Variants in AP2A2 observed in about 807,000 individuals in gnomAD.
AP2A2 encodes the protein adaptor related protein complex 2 subunit alpha 2, also known as AP-2 complex subunit alpha-2.
Under a neutral mutation model 104.2 loss-of-function variants are expected in AP2A2, and 32 were observed. That is an observed-to-expected ratio of 0.31 (90% CI 0.23 to 0.41). The LOEUF (loss-of-function observed/expected upper bound fraction) is 0.41. AP2A2 is among the 10% of genes least tolerant of loss of function. The pLI is 1.00. For synonymous variants in AP2A2, 539 were observed against 533.3 expected (o/e 1.01, Z -0.15); for missense variants, 912 against 1,261.0 (o/e 0.72, Z 4.19).
rs1239378323 is a variant in AP2A2, at chr11:967,804, G to A, written c.137-2365G>A. Among the ~76,000 whole-genome samples, 3 of 152,134 alleles carry A rather than the reference G, an allele frequency of 2.0e-5. No individual in the cohort carries two copies. In the East Asian group the frequency reaches 5.8e-4, roughly 29 times the overall value. ...GTGATCCTTTTATGGTTTAGGATGAGGTTTTCCAGCCATCTCTCCTCTGAT... is the reference window on the plus strand; with the variant it reads ...GTGATCCTTTTATGGTTTAGGATGAAGTTTTCCAGCCATCTCTCCTCTGAT... On this transcript the variant is annotated intron_variant, in intron 2 of 21. Transcript: ENST00000448903.
intron 9 of AP2A2, among the ~76,000 whole-genome samples, chr11:987,575 A>T (rs939419853): frequency 4.6e-5 from 7 of 152,070 alleles, no homozygotes; most frequent in Admixed American, 1.3e-4. Context: ...GAATGGCTTG[A>T]ACCCAAGAGG....
chr11:990,376 T>G (rs1855604962), intron 10 of AP2A2, among the ~76,000 whole-genome samples: 1 of 152,096 alleles, frequency 6.6e-6, no homozygotes, highest in African/African-American at 2.4e-5. Context: ...CAGTGTGGCC[T>G]GGTGTCAGCA....
chr11:961,398 C>T (rs926510948), intron 2 of AP2A2, among the ~76,000 whole-genome samples: 5 of 142,942 alleles, frequency 3.5e-5, no homozygotes, highest in Non-Finnish European at 1.5e-5. Context: ...GTGGGTCTGA[C>T]AGTCGCCACC....
intron 1 of AP2A2, among the ~76,000 whole-genome samples, chr11:949,443 A>G (rs1407495168): frequency 1.3e-5 from 2 of 152,194 alleles, no homozygotes; most frequent in African/African-American, 4.8e-5. Flanking sequence ...AGAATCTTCA[A>G]CCAAATGCTA....
At chr11:947,755 G>A (rs1164495755) in intron 1 of AP2A2, among the ~76,000 whole-genome samples, 4 of 152,054 alleles carry the variant, frequency 2.6e-5, no homozygotes, top group Admixed American at 1.3e-4. Flanking sequence ...CTTAAAGCCA[G>A]GAGTTCGAGA....
chr11:930,752 C>G (rs1324828370), intron 1 of AP2A2, among the ~76,000 whole-genome samples: 1 of 152,186 alleles, frequency 6.6e-6, no homozygotes, highest in Non-Finnish European at 1.5e-5. Flanking sequence ...GGTCTCCTGA[C>G]CTCGTGATCC....
intron 1 of AP2A2, chr11:942,141 A>G (rs924213778): frequency 6.6e-6 from 1 of 152,056 alleles, no homozygotes. Flanking sequence ...GTTAGCCAGG[A>G]TGGTCTCGAT....
chr11:933,684 C>G (rs1160512527), intron 1 of AP2A2: 1 of 455,718 alleles, frequency 2.2e-6, no homozygotes, highest in East Asian at 6.9e-5. Context: ...CAGTGAGATG[C>G]CCAGCACCAG....
chr11:971,599 G>A (rs1854831506), intron 3 of AP2A2, among the ~76,000 whole-genome samples: 1 of 151,974 alleles, frequency 6.6e-6, no homozygotes. Flanking sequence ...GTGGAGGGGG[G>A]CGGCATGAGG....
Position 993,153 on chromosome 11 carries a change from G to A in AP2A2, c.1453-131G>A. ...AGGGTGCTGAGGAAGGCAGGGATGG[G>A]CACTTGGACTGGGGTCTCCAGGAAG... On this transcript the variant is annotated intron_variant, in intron 11 of 21. Coordinates refer to ENST00000448903, the MANE Select transcript of AP2A2 (RefSeq NM_012305.4). This position sits in a 1 kb window ranked among gnomAD's most constrained non-coding sequence, Gnocchi z 8.2. The A allele has an allele frequency of 1.5e-6, 1 of 664,152 alleles. No individual in the cohort carries two copies. The highest frequency in any genetic ancestry group is 2.5e-6 in the Non-Finnish European group (1 of 400,466). The allele number at this position is 664,152 out of a possible 1,614,324, so 41.1% of individuals were successfully genotyped here. A position where few individuals can be genotyped will look rare whatever the true frequency, so the allele number is the denominator to read the frequency against.
intron 3 of AP2A2, among the ~76,000 whole-genome samples, chr11:971,854 G>A (rs955395919): frequency 3.3e-5 from 5 of 152,170 alleles, no homozygotes; most frequent in Non-Finnish European, 7.3e-5. Flanking sequence ...TGCGCCATGA[G>A]AGCATCGTAG....
At chr11:989,986 G>A (rs116559726) in intron 10 of AP2A2, among the ~76,000 whole-genome samples, 4,543 of 152,328 alleles carry the variant, frequency 0.03, 227 homozygotes, top group African/African-American at 0.1. Flanking sequence ...GGAGCTAGTG[G>A]CAGGTGACAG....
intron 17 of AP2A2, chr11:1,006,871 T>C: frequency 2.0e-6 from 1 of 489,568 alleles, no homozygotes; most frequent in Non-Finnish European, 3.6e-6. Context: ...TCCCCTTCCA[T>C]CTGGCCAGTG....
chr11:981,419 A>G (rs1855236327), intron 6 of AP2A2, 120 bp downstream of exon 6: 2 of 846,036 alleles, frequency 2.4e-6, no homozygotes, highest in East Asian at 2.7e-5. Flanking sequence ...ATGAAAACCA[A>G]CTTGGCTTCT....
chr11:947,062 T>C (rs1467130859), intron 1 of AP2A2: 2 of 145,158 alleles, frequency 1.4e-5, no homozygotes, highest in Non-Finnish European at 3.0e-5. Context: ...AAGGCTAGAG[T>C]GCGGTGGCGC....
At position 961,722 on chromosome 11, in the gene AP2A2, A is replaced by G. The variant is rs1184648297; in HGVS notation, c.136+2217A>G. On this transcript the variant is annotated intron_variant, in intron 2 of 21. Coordinates refer to ENST00000448903, the MANE Select transcript of AP2A2 (RefSeq NM_012305.4). ...AGTGAAAAGTAAAGGGCGGAAGCAG[A>G]TGGAGATGTGGGTCTGATAGTCGCC... Among the ~76,000 whole-genome samples, 10 of 135,734 alleles carry G rather than the reference A, an allele frequency of 7.4e-5. 3 individuals carry two copies. In the East Asian group the frequency reaches 1.7e-3, roughly 23 times the overall value. The allele number at this position is 135,734 out of a possible 152,430, so 89.0% of individuals were successfully genotyped here.
chr11:962,250 G>A (rs559310197), intron 2 of AP2A2, among the ~76,000 whole-genome samples: 74 of 152,370 alleles, frequency 4.9e-4, no homozygotes, highest in Non-Finnish European at 9.8e-4. Flanking sequence ...AGGAAATGAG[G>A]AAATGCATAG....
chr11:986,385 C>T (rs1344478639), intron 8 of AP2A2, among the ~76,000 whole-genome samples: 1 of 152,250 alleles, frequency 6.6e-6, no homozygotes, highest in Non-Finnish European at 1.5e-5. Context: ...ACAGTAGAGT[C>T]AGTGGGGCAG....
intron 1 of AP2A2, chr11:943,052 C>T (rs1463051994): frequency 6.6e-6 from 1 of 152,180 alleles, no homozygotes; most frequent in Non-Finnish European, 1.5e-5. Context: ...TCCTGGGTGC[C>T]TTGTAGGAAG....
Sources: gnomAD v4.1 joint callset for allele counts (sites outside exome capture counted in the v4.1 genomes callset) on GRCh38, gnomAD v4.1.1 for gene constraint, Gnocchi (gnomAD v3.1) non-coding constraint, MANE v1.5 for transcripts, NCBI Gene and HGNC (gene_info 2026-07-23, HGNC 2026-07-21) for gene names.